The following DOCK4 variants were observed in gnomAD, a reference collection of about 807,000 sequenced individuals.
DOCK4 encodes the protein dedicator of cytokinesis protein 4.
A neutral mutation model predicts 268.1 loss-of-function variants in DOCK4; 97 were observed. The observed-to-expected ratio is 0.36, with a 90% CI of 0.31 to 0.43. The LOEUF (loss-of-function observed/expected upper bound fraction) is 0.43, where lower values mean the gene tolerates loss of function less well. Among genes scored for constraint, DOCK4 ranks in the 20% least tolerant of loss-of-function variants. The pLI is 1.00. For missense variants in DOCK4, 2,145 were observed against 2,455.7 expected, an observed-to-expected ratio of 0.87 and a Z score of 2.67; for synonymous variants, 954 against 887.2, an observed-to-expected ratio of 1.08 and a Z score of -1.34.
At chr7:111,780,511 A>C (rs190514641) in intron 35 of DOCK4, among the ~76,000 whole-genome samples, 2 of 152,338 alleles carry the variant, frequency 1.3e-5, no homozygotes, top group East Asian at 3.9e-4. Flanking sequence ...CAAAACAAGC[A>C]ATCACTCTAA....
At position 111,834,499 on chromosome 7, in the gene DOCK4, A is replaced by G. The variant is rs1586127880; in HGVS notation, c.2835+89T>C. The stretch of plus-strand genomic sequence containing the variant: ...GAACTTAATGGAAACAGGTAAAGCA[A>G]TTGTCTAGGATTTATCTCAACAGTG... On this transcript the variant is annotated intron_variant, in intron 26 of 52. Coordinates refer to ENST00000428084, the MANE Select transcript of DOCK4 (RefSeq NM_001363540.2). 3 of 1,005,104 alleles carry G rather than the reference A, an allele frequency of 3.0e-6. No homozygotes were observed. In the East Asian group the frequency reaches 8.1e-5, roughly 27 times the overall value. The allele number at this position is 1,005,104 out of a possible 1,614,324, so 62.3% of individuals were successfully genotyped here.
chr7:111,954,665 G>A (rs1019660325), intron 8 of DOCK4, among the ~76,000 whole-genome samples: 1 of 152,160 alleles, frequency 6.6e-6, no homozygotes. Context: ...CGGGTACTAC[G>A]TAGCTGTCAT....
intron 36 of DOCK4, among the ~76,000 whole-genome samples, chr7:111,774,169 T>C (rs769216576): frequency 1.3e-5 from 2 of 152,230 alleles, no homozygotes; most frequent in Middle Eastern, 3.4e-3. Flanking sequence ...ATAGGTACTT[T>C]AATAGAAATC....
intron 12 of DOCK4, among the ~76,000 whole-genome samples, chr7:111,919,704 AG>A (rs879612174): frequency 2.6e-5 from 4 of 152,214 alleles, no homozygotes; most frequent in Non-Finnish European, 5.9e-5. Flanking sequence ...AGAATGACAA[AG>A]GTTAACAGGA....
chr7:111,917,900 ACAT>A (rs1421191635), intron 12 of DOCK4, among the ~76,000 whole-genome samples: 1 of 152,172 alleles, frequency 6.6e-6, no homozygotes, highest in Non-Finnish European at 1.5e-5. Context: ...TGTGAGAATG[ACAT>A]CATGCTGTGA....
intron 1 of DOCK4, among the ~76,000 whole-genome samples, chr7:112,134,543 C>T (rs567731188): frequency 4.9e-5 from 7 of 141,630 alleles, no homozygotes; most frequent in South Asian, 2.3e-4. Context: ...CATGGTGTAA[C>T]GCCGTCTCTA....
At chr7:111,854,031 A>G (rs1419031835) in intron 23 of DOCK4, among the ~76,000 whole-genome samples, 1 of 151,844 alleles carries the variant, frequency 6.6e-6, no homozygotes, top group African/African-American at 2.4e-5. Context: ...CACAGGTGCA[A>G]GTGATTCTCC....
At chr7:111,764,374 T>C (rs1460696457) in intron 39 of DOCK4, among the ~76,000 whole-genome samples, 1 of 152,236 alleles carries the variant, frequency 6.6e-6, no homozygotes, top group Admixed American at 6.5e-5. Flanking sequence ...ATTTCTGTAT[T>C]GAGAACTAAA....
chr7:112,187,607 T>C (rs1333700012), intron 1 of DOCK4, among the ~76,000 whole-genome samples: 1 of 151,700 alleles, frequency 6.6e-6, no homozygotes, highest in Non-Finnish European at 1.5e-5. Flanking sequence ...GAGAGAAGAG[T>C]GTGCTTTTGC....
intron 1 of DOCK4, among the ~76,000 whole-genome samples, chr7:112,086,593 T>G (rs1307936882): frequency 6.6e-6 from 1 of 152,114 alleles, no homozygotes; most frequent in Non-Finnish European, 1.5e-5. Flanking sequence ...AAAACAGTGG[T>G]TGCCAAAAAT....
At chr7:111,809,795 G>C (rs1301447069) in intron 28 of DOCK4, among the ~76,000 whole-genome samples, 1 of 152,146 alleles carries the variant, frequency 6.6e-6, no homozygotes, top group Non-Finnish European at 1.5e-5. Context: ...CTTTATTCCT[G>C]TGTGAGTTCA....
chr7:111,956,226 T>C (rs1451157041), intron 8 of DOCK4, among the ~76,000 whole-genome samples: 1 of 152,194 alleles, frequency 6.6e-6, no homozygotes, highest in African/African-American at 2.4e-5. Context: ...ATTAGGAATG[T>C]CTATAATAAG....
At chr7:112,194,656 T>C (rs538387951) in intron 1 of DOCK4, among the ~76,000 whole-genome samples, 1 of 152,334 alleles carries the variant, frequency 6.6e-6, no homozygotes, top group South Asian at 2.1e-4. Flanking sequence ...TAGAAGAACT[T>C]ACATAATGAT....
At chr7:111,739,329 G>A in intron 48 of DOCK4, 67 bp downstream of exon 48, 1 of 1,587,358 alleles carries the variant, frequency 6.3e-7, no homozygotes, top group Non-Finnish European at 8.6e-7. Context: ...TGTGGCAGCT[G>A]GCCACAGTTC....
At chr7:111,874,303 T>C (rs1806663852) in intron 17 of DOCK4, among the ~76,000 whole-genome samples, 1 of 151,952 alleles carries the variant, frequency 6.6e-6, no homozygotes, top group Admixed American at 6.5e-5. Context: ...CTGCTCAATG[T>C]GAGGAGTGTG....
chr7:111,877,114 C>T lies in DOCK4; in HGVS notation c.1660G>A (p.Gly554Arg). 2 of 1,589,426 alleles carry T rather than the reference C, an allele frequency of 1.3e-6. No individual in the cohort carries two copies. Among genetic ancestry groups the T allele is most frequent in the Non-Finnish European group, 8.6e-7 (1 of 1,168,652 alleles). Residue 554 changes from glycine to arginine, a missense_variant, in exon 17 of 53, where the codon GGG becomes AGG. Physicochemically the swap from Gly to Arg is moderately radical, Grantham distance 125. Transcript: ENST00000428084. ...KLPFSKGIFL[G>R]NNNQAMKATK... ...GCCTTCATGGCTTGATTATTATTCC[C>T]AAGGAAAATGCCCTTGGAAAAGGGA... is the stretch of plus-strand genomic sequence containing the variant.
chr7:112,113,854 A>G, intron 1 of DOCK4, among the ~76,000 whole-genome samples: 1 of 145,404 alleles, frequency 6.9e-6, no homozygotes, highest in East Asian at 2.0e-4. Context: ...TTGTCCTCCC[A>G]AAGTACTGGG....
At chr7:111,784,231 G>A (rs762558574) in intron 32 of DOCK4, 108 bp from the exon 33 acceptor site, 1 of 1,257,516 alleles carries the variant, frequency 8.0e-7, no homozygotes, top group Non-Finnish European at 1.1e-6. Flanking sequence ...GCATCTCACA[G>A]CTCAAAGACA....
chr7:112,178,594 C>T (rs1818724015), intron 1 of DOCK4, among the ~76,000 whole-genome samples: 1 of 152,146 alleles, frequency 6.6e-6, no homozygotes, highest in Admixed American at 6.6e-5. Flanking sequence ...CATTATTCCT[C>T]AAAACCAGTC....
Sources: allele counts gnomAD v4.1 joint callset (sites outside exome capture counted in the v4.1 genomes callset), GRCh38; gene constraint gnomAD v4.1.1; transcripts MANE v1.5; gene names NCBI Gene and HGNC (gene_info 2026-07-23, HGNC 2026-07-21).